SYT6: variants seen among roughly 807,000 people sequenced by gnomAD.
SYT6 encodes the protein synaptotagmin-6.
A neutral mutation model predicts 38.4 loss-of-function variants in SYT6; 24 were observed. That is an observed-to-expected ratio of 0.62 (90% CI 0.45 to 0.88). SYT6 has a LOEUF of 0.88. Among genes scored for constraint, SYT6 ranks in the 40% least tolerant of loss-of-function variants. The probability of loss-of-function intolerance (pLI) is 0.00; values close to 1 mark genes in which losing one functional copy is unlikely to be tolerated. For synonymous variants in SYT6, 265 were observed against 241.9 expected (o/e 1.10, Z -0.89); for missense variants, 611 against 621.0 (o/e 0.98, Z 0.17).
intron 1 of SYT6, among the ~76,000 whole-genome samples, chr1:114,147,746 C>T (rs1397411002): frequency 6.6e-6 from 1 of 152,200 alleles, no homozygotes; most frequent in Non-Finnish European, 1.5e-5. Context: ...TCTTAGTTTT[C>T]TCTTTTATTT....
intron 1 of SYT6, 129 bp downstream of exon 1, chr1:114,153,481 G>T: frequency 1.9e-6 from 1 of 536,764 alleles, no homozygotes; most frequent in Non-Finnish European, 3.3e-6. Flanking sequence ...GACGAGGCTG[G>T]CTCCCAATCC....
chr1:114,125,779 G>C (rs1001561254), intron 3 of SYT6, among the ~76,000 whole-genome samples: 10 of 152,136 alleles, frequency 6.6e-5, no homozygotes, highest in African/African-American at 2.4e-4. Context: ...TTGGGTGGGG[G>C]TTAATTGGCT....
intron 3 of SYT6, among the ~76,000 whole-genome samples, chr1:114,106,860 C>T (rs890324212): frequency 2.6e-5 from 4 of 152,280 alleles, no homozygotes; most frequent in South Asian, 4.2e-4. Context: ...CATCTAGTGA[C>T]GAGAGCCCCT....
chr1:114,146,987 A>ATGC (rs1260609229), intron 1 of SYT6, among the ~76,000 whole-genome samples: 4 of 152,360 alleles, frequency 2.6e-5, no homozygotes, highest in Admixed American at 2.6e-4. Context: ...AGAATTAGTT[A>ATGC]TGCCCAGCCC....
chr1:114,148,816 CA>C (rs1458098728), intron 1 of SYT6, among the ~76,000 whole-genome samples: 1 of 152,012 alleles, frequency 6.6e-6, no homozygotes, highest in Non-Finnish European at 1.5e-5. Context: ...AGATGTTAAC[CA>C]GGTAACTTGT....
Position 114,094,840 on chromosome 1 carries a change from C to A in SYT6, c.1516-1037G>T, listed in dbSNP as rs542870742. ...CAAAGTTCTTGCTCAATATCCAGAA[C>A]GGGAACGAAAAGAAGGCAGGATGTG... On this transcript the variant is annotated intron_variant, in intron 6 of 7. Coordinates refer to ENST00000610222, the MANE Select transcript of SYT6 (RefSeq NM_001253772.2). Among the ~76,000 whole-genome samples the A allele has an allele frequency of 3.9e-5, 6 of 152,262 alleles. No individual in the cohort carries two copies. In the South Asian group the frequency reaches 1.0e-3, roughly 26 times the overall value.
chr1:114,105,087 A>G (rs1676207719), intron 3 of SYT6, among the ~76,000 whole-genome samples: 1 of 152,000 alleles, frequency 6.6e-6, no homozygotes, highest in South Asian at 2.1e-4. Flanking sequence ...GGAGGTAAGT[A>G]TATAAGTTAG....
intron 3 of SYT6, among the ~76,000 whole-genome samples, chr1:114,129,042 A>G (rs1345777312): frequency 6.6e-6 from 1 of 152,184 alleles, no homozygotes; most frequent in Admixed American, 6.5e-5. Context: ...CTCAAATATG[A>G]CATGTCCAAA....
chr1:114,129,605 TTTC>T, intron 3 of SYT6, among the ~76,000 whole-genome samples: 1 of 94,430 alleles, frequency 1.1e-5, no homozygotes, highest in South Asian at 4.9e-4. Flanking sequence ...TCTTTCTTTC[TTTC>T]TTTCTTTCCT....
chr1:114,136,250 C>A (rs527366313), intron 3 of SYT6, among the ~76,000 whole-genome samples: 1 of 152,326 alleles, frequency 6.6e-6, no homozygotes, highest in South Asian at 2.1e-4. Context: ...ATTTTCCCAG[C>A]CCCTCTCTTC....
chr1:114,092,338 C>CTCTG (rs991723002), intron 7 of SYT6, among the ~76,000 whole-genome samples: 46 of 128,572 alleles, frequency 3.6e-4, no homozygotes, highest in East Asian at 2.7e-3. Flanking sequence ...CTCTCTCTCT[C>CTCTG]TGTGTGTGTG....
chr1:114,141,702 G>C (rs1678875753), intron 1 of SYT6, among the ~76,000 whole-genome samples: 2 of 152,224 alleles, frequency 1.3e-5, no homozygotes, highest in South Asian at 4.1e-4. Flanking sequence ...TTCATAGCTA[G>C]AAAGGGGAAG....
rs762434411 is a variant in SYT6, at chr1:114,097,966, G to T, written c.1365-89C>A. ...TGTGGGGGGTGGTAGGACTCTGCCCGATGGGTCTAACTCAGAACTCTGAGC... is the reference window on the plus strand; with the variant it reads ...TGTGGGGGGTGGTAGGACTCTGCCCTATGGGTCTAACTCAGAACTCTGAGC... On this transcript the variant is annotated intron_variant, in intron 5 of 7. Transcript: ENST00000610222. 4 of 1,466,054 alleles carry T rather than the reference G, an allele frequency of 2.7e-6. No individual in the cohort carries two copies. In the Admixed American group the frequency reaches 5.4e-5, roughly 20 times the overall value. 90.8% of individuals were successfully genotyped at this position (1,466,054 alleles called of 1,614,324 possible).
At chr1:114,121,604 T>C (rs1247071385) in intron 3 of SYT6, among the ~76,000 whole-genome samples, 3 of 152,220 alleles carry the variant, frequency 2.0e-5, no homozygotes, top group East Asian at 3.8e-4. Context: ...AAAATAAGAA[T>C]GTAATACTTT....
intron 3 of SYT6, among the ~76,000 whole-genome samples, chr1:114,131,568 T>A (rs980897812): frequency 6.6e-6 from 1 of 152,182 alleles, no homozygotes; most frequent in Admixed American, 6.5e-5. Flanking sequence ...GTGCCTTGTG[T>A]ATGAGGGGCT....
intron 3 of SYT6, among the ~76,000 whole-genome samples, chr1:114,133,584 T>G (rs749312988): frequency 6.6e-6 from 1 of 152,148 alleles, no homozygotes; most frequent in African/African-American, 2.4e-5. Flanking sequence ...CAGGGGCCCT[T>G]GGGCAAGCCA....
intron 4 of SYT6, among the ~76,000 whole-genome samples, chr1:114,102,264 G>A (rs1300698156): frequency 6.6e-6 from 1 of 152,210 alleles, no homozygotes; most frequent in Non-Finnish European, 1.5e-5. Context: ...AGGGGAAGCT[G>A]ACTTGCTGCT....
intron 6 of SYT6, among the ~76,000 whole-genome samples, chr1:114,097,315 C>T (rs186175892): frequency 7.9e-5 from 12 of 152,368 alleles, no homozygotes; most frequent in African/African-American, 2.6e-4. Flanking sequence ...TGCCAAGTGA[C>T]TTCCTTGCTT....
intron 3 of SYT6, among the ~76,000 whole-genome samples, chr1:114,121,353 T>A (rs1355352470): frequency 6.6e-6 from 1 of 152,226 alleles, no homozygotes; most frequent in East Asian, 1.9e-4. Context: ...CTCCACATCT[T>A]CCCTTCTTTC....
Sources: allele counts gnomAD v4.1 joint callset (sites outside exome capture counted in the v4.1 genomes callset), GRCh38; gene constraint gnomAD v4.1.1; transcripts MANE v1.5; gene names NCBI Gene and HGNC (gene_info 2026-07-23, HGNC 2026-07-21).